The following MAGI2 variants were observed in gnomAD, a reference collection of about 807,000 sequenced individuals.
The protein encoded by MAGI2 is membrane-associated guanylate kinase, WW and PDZ domain-containing protein 2.
Under a neutral mutation model 133.3 loss-of-function variants are expected in MAGI2, and 35 were observed. The ratio of observed to expected loss-of-function variants is 0.26; its 90% CI spans 0.20 to 0.35. MAGI2 has a LOEUF of 0.35. Ranked by LOEUF, MAGI2 falls within the 10% of genes least tolerant of loss-of-function variation. The probability of loss-of-function intolerance (pLI) is 1.00; values close to 1 mark genes in which losing one functional copy is unlikely to be tolerated. For synonymous variants in MAGI2, 729 were observed against 710.6 expected (o/e 1.03, Z -0.41); for missense variants, 1,636 against 1,863.4 (o/e 0.88, Z 2.25).
chr7:78,601,617 A>G (rs1269240138), intron 3 of MAGI2, among the ~76,000 whole-genome samples: 1 of 152,118 alleles, frequency 6.6e-6, no homozygotes, highest in Non-Finnish European at 1.5e-5. Flanking sequence ...TTGTATTTCT[A>G]CTGGAGGATA....
At chr7:79,118,325 T>C (rs939529965) in intron 1 of MAGI2, among the ~76,000 whole-genome samples, 5 of 152,202 alleles carry the variant, frequency 3.3e-5, no homozygotes, top group African/African-American at 9.6e-5. Context: ...CTAGAAATAA[T>C]GTAGTACAAG....
chr7:78,621,448 G>A (rs941053046), intron 3 of MAGI2: 3 of 151,930 alleles, frequency 2.0e-5, no homozygotes, highest in Non-Finnish European at 4.4e-5. Context: ...AATATGAAAA[G>A]GTGAGGATGA....
chr7:78,363,415 C>G (rs556549464), intron 7 of MAGI2, among the ~76,000 whole-genome samples: 1 of 152,122 alleles, frequency 6.6e-6, no homozygotes, highest in East Asian at 1.9e-4. Flanking sequence ...ATGGCGCGAA[C>G]CCGGGAGGCG....
chr7:79,399,999 A>G (rs1453967578), intron 1 of MAGI2, among the ~76,000 whole-genome samples: 1 of 152,246 alleles, frequency 6.6e-6, no homozygotes. Flanking sequence ...AGGAAAATAT[A>G]TGTGAGTGCA....
chr7:78,808,104 C>T (rs1788737015), intron 2 of MAGI2, among the ~76,000 whole-genome samples: 1 of 152,024 alleles, frequency 6.6e-6, no homozygotes, highest in Admixed American at 6.6e-5. Flanking sequence ...TAATAGAAAA[C>T]TGATTTAAGT....
intron 2 of MAGI2, among the ~76,000 whole-genome samples, chr7:78,633,301 G>T (rs1006805509): frequency 6.6e-6 from 1 of 152,140 alleles, no homozygotes; most frequent in Non-Finnish European, 1.5e-5. Flanking sequence ...ATTGGGTACT[G>T]GGCTTAGTAC....
intron 1 of MAGI2, among the ~76,000 whole-genome samples, chr7:79,105,839 T>C (rs7790073): frequency 0.012 from 1,835 of 152,232 alleles, 39 homozygotes; most frequent in African/African-American, 0.042. Context: ...CCTGGTTTTT[T>C]TTTTCAACAT....
intron 1 of MAGI2, among the ~76,000 whole-genome samples, chr7:79,309,857 G>A (rs1009670124): frequency 4.6e-5 from 7 of 151,256 alleles, no homozygotes; most frequent in African/African-American, 1.7e-4. Flanking sequence ...CAGGTCAGGC[G>A]CAGTGGCTCA....
In MAGI2 at chr7:78,790,128, A is replaced by C. The variant is rs368656198; in HGVS notation, c.419-162889T>G. 9.2e-5 allele frequency among the ~76,000 whole-genome samples: 14 copies of C among 152,132 alleles called. No individual in the cohort carries two copies. The East Asian group carries it at 1.2e-3, about 13-fold the overall frequency. Reference sequence around the variant, plus strand: ...ATATTTTCACTTGTCCAATAAAATAAAACAAATGTATATTATCACTTTAGG... The same window carrying C: ...ATATTTTCACTTGTCCAATAAAATACAACAAATGTATATTATCACTTTAGG... On this transcript the variant is annotated intron_variant, in intron 2 of 21. Transcript: ENST00000354212.
intron 21 of MAGI2, among the ~76,000 whole-genome samples, chr7:78,023,054 C>T (rs1199718204): frequency 6.6e-6 from 1 of 152,214 alleles, no homozygotes; most frequent in East Asian, 1.9e-4. Context: ...TGCACAGGAA[C>T]TCTTCAGTTC....
At chr7:78,186,066 G>A (rs1015732113) in intron 12 of MAGI2, among the ~76,000 whole-genome samples, 1 of 152,050 alleles carries the variant, frequency 6.6e-6, no homozygotes, top group Non-Finnish European at 1.5e-5. Flanking sequence ...GTCATAAAAC[G>A]TTGAAATGAA....
chr7:78,491,605 A>G (rs901370625), intron 5 of MAGI2, among the ~76,000 whole-genome samples: 3 of 152,088 alleles, frequency 2.0e-5, no homozygotes, highest in African/African-American at 7.2e-5. Flanking sequence ...TTTTTCCTCA[A>G]TTTGACCCTT....
intron 1 of MAGI2, among the ~76,000 whole-genome samples, chr7:79,388,368 G>A (rs1442960343): frequency 6.6e-6 from 1 of 151,902 alleles, no homozygotes; most frequent in East Asian, 1.9e-4. Flanking sequence ...CAGGTAATCA[G>A]AGAGAGTTCA....
chr7:79,199,181 T>C (rs1339230353), intron 1 of MAGI2, among the ~76,000 whole-genome samples: 1 of 152,068 alleles, frequency 6.6e-6, no homozygotes, highest in African/African-American at 2.4e-5. Flanking sequence ...AAGCTTAGAT[T>C]CTTTTCACTT....
At chr7:78,505,488 C>T (rs760418286) in intron 4 of MAGI2, among the ~76,000 whole-genome samples, 2 of 152,118 alleles carry the variant, frequency 1.3e-5, no homozygotes, top group Non-Finnish European at 2.9e-5. Flanking sequence ...TTTTCTGTGG[C>T]ATATTTCAAC....
intron 1 of MAGI2, among the ~76,000 whole-genome samples, chr7:79,227,532 T>C (rs978281868): frequency 9.9e-5 from 15 of 152,218 alleles, no homozygotes; most frequent in Non-Finnish European, 1.5e-4. Flanking sequence ...TCTTCACTCC[T>C]TATCCTTATC....
intron 1 of MAGI2, among the ~76,000 whole-genome samples, chr7:79,081,431 AG>A (rs750460363): frequency 1.3e-5 from 2 of 152,172 alleles, no homozygotes; most frequent in Non-Finnish European, 1.5e-5. Flanking sequence ...TGCTCCATAA[AG>A]CAAGAACAGT....
At chr7:78,114,707 G>A (rs1819685833) in intron 20 of MAGI2, among the ~76,000 whole-genome samples, 1 of 152,184 alleles carries the variant, frequency 6.6e-6, no homozygotes, top group African/African-American at 2.4e-5. Flanking sequence ...GCATGAGGGA[G>A]CCCTAGGGAT....
intron 1 of MAGI2, chr7:79,177,028 C>T (rs1255477851): frequency 6.6e-6 from 1 of 151,926 alleles, no homozygotes; most frequent in Non-Finnish European, 1.5e-5. Flanking sequence ...CTTACTAACC[C>T]GACCTGCTAG....
Sources: gnomAD v4.1 joint callset for allele counts (sites outside exome capture counted in the v4.1 genomes callset) on GRCh38, gnomAD v4.1.1 for gene constraint, MANE v1.5 for transcripts, NCBI Gene and HGNC (gene_info 2026-07-23, HGNC 2026-07-21) for gene names.